The following NRG2 variants were observed in gnomAD, a reference collection of about 807,000 sequenced individuals.
NRG2 encodes pro-neuregulin-2, membrane-bound isoform.
NRG2 carries 27 observed loss-of-function variants against 73.9 expected under a neutral mutation model. The observed-to-expected ratio is 0.37, with a 90% CI of 0.27 to 0.50. The LOEUF (loss-of-function observed/expected upper bound fraction) is 0.50. Among genes scored for constraint, NRG2 ranks in the 20% least tolerant of loss-of-function variants. NRG2 has a pLI of 0.96. For synonymous variants in NRG2, 532 were observed against 541.0 expected, an observed-to-expected ratio of 0.98 and a Z score of 0.23; for missense variants, 1,126 against 1,210.1, an observed-to-expected ratio of 0.93 and a Z score of 1.03.
At position 139,856,600 on chromosome 5, in the gene NRG2, C is replaced by A. The variant is rs1300694690; in HGVS notation, c.1190-822G>T. ...TGCTGGCTGGCCCCTCCTCCCAGCT[C>A]AGGGTAAAGTGGAGGCTGGACCTCA... On this transcript the variant is annotated intron_variant, in intron 5 of 9. Transcript: ENST00000361474. The surrounding 1 kb of genome is among the most constrained non-coding windows in gnomAD (Gnocchi z 4.2). Among the ~76,000 whole-genome samples the A allele has an allele frequency of 6.6e-6, 1 of 152,202 alleles. No homozygotes were observed. Among genetic ancestry groups the A allele is most frequent in the Non-Finnish European group, 1.5e-5 (1 of 68,026 alleles).
chr5:139,874,836 C>T (rs1198594543), intron 3 of NRG2, among the ~76,000 whole-genome samples: 1 of 152,170 alleles, frequency 6.6e-6, no homozygotes, highest in Non-Finnish European at 1.5e-5. Flanking sequence ...TAGTTCTGCT[C>T]CTTTAATAAG....
chr5:139,980,245 G>A (rs965646525), intron 1 of NRG2, among the ~76,000 whole-genome samples: 1 of 151,938 alleles, frequency 6.6e-6, no homozygotes. Flanking sequence ...GCTCTCTCCT[G>A]ACTCTTGAAA....
intron 1 of NRG2, among the ~76,000 whole-genome samples, chr5:139,914,857 AAAG>A (rs1751131995): frequency 1.3e-5 from 2 of 152,326 alleles, no homozygotes; most frequent in South Asian, 4.1e-4. Context: ...CTCCAGGTCT[AAAG>A]AAGTGGACAC....
chr5:139,946,983 A>G (rs753946990), intron 1 of NRG2, among the ~76,000 whole-genome samples: 1 of 152,010 alleles, frequency 6.6e-6, no homozygotes, highest in Admixed American at 6.6e-5. Context: ...ACCACCTCAC[A>G]CCTATTAGGA....
intron 1 of NRG2, among the ~76,000 whole-genome samples, chr5:140,020,295 T>C (rs573840085): frequency 1.3e-5 from 2 of 152,358 alleles, no homozygotes; most frequent in African/African-American, 4.8e-5. Flanking sequence ...CACACTTCTT[T>C]GGTTAATTCA....
At position 139,890,189 on chromosome 5, in the gene NRG2, C is replaced by T. The variant is rs571752994; in HGVS notation, c.701-2678G>A. On this transcript the variant is annotated intron_variant, in intron 1 of 9. Coordinates refer to ENST00000361474, the MANE Select transcript of NRG2 (RefSeq NM_004883.3). ...TGCCAATTAGCTAGGCAAAAGATAA[C>T]GTCTCTTTGTCATTTTAATTTGCAT... is the stretch of plus-strand genomic sequence containing the variant. 9.9e-5 allele frequency among the ~76,000 whole-genome samples: 15 copies of T among 152,132 alleles called. 3 individuals carry two copies. Among genetic ancestry groups the T allele is most frequent in the African/African-American group, 2.7e-4 (11 of 41,432 alleles).
rs145373449 is a variant in NRG2 at position 139,988,596 on chromosome 5, T to C, written c.700+53774A>G. ...TCACATTCTGGAAAAGGCAAAACTA[T>C]GGAGAGAGTAAAAGGATCAGTAGTT... On this transcript the variant is annotated intron_variant, in intron 1 of 9. Transcript: ENST00000361474. Among the ~76,000 whole-genome samples the C allele has an allele frequency of 2.6e-3, 396 of 151,980 alleles. 3 individuals are homozygous for C. Among genetic ancestry groups the C allele is most frequent in the African/African-American group, 9.4e-3 (388 of 41,496 alleles).
intron 1 of NRG2, among the ~76,000 whole-genome samples, chr5:140,001,427 T>TA (rs1212638014): frequency 6.6e-6 from 1 of 152,208 alleles, no homozygotes; most frequent in Non-Finnish European, 1.5e-5. Context: ...ATTTATTTTT[T>TA]ATCCTCCAAA....
intron 2 of NRG2, among the ~76,000 whole-genome samples, chr5:139,884,340 A>C (rs1401688272): frequency 6.6e-6 from 1 of 152,128 alleles, no homozygotes; most frequent in Non-Finnish European, 1.5e-5. Context: ...TGAGGGGAGG[A>C]GGGCTGCCAG....
rs1561774989 is a variant in NRG2 at position 140,042,648 on chromosome 5, G to T, written c.422C>A (p.Ala141Asp). 3.1e-6 allele frequency: 5 copies of T among 1,598,306 alleles called. No individual in the cohort carries two copies. Among genetic ancestry groups the T allele is most frequent in the Non-Finnish European group, 4.3e-6 (5 of 1,173,636 alleles). The change falls in exon 1 of 10, where the codon GCC (alanine) becomes GAC (aspartate). Residue 141 changes from alanine (A) to aspartate (D), a missense_variant. Transcript: ENST00000361474. ...VEGKVQGLVP[A>D]GGSSSNSTRE... ...GGTGCTGTTGGAGCTGGAGCCGCCGGCTGGGACCAGCCCCTGTACCTTGCC... is the reference window on the plus strand; with the variant it reads ...GGTGCTGTTGGAGCTGGAGCCGCCGTCTGGGACCAGCCCCTGTACCTTGCC...
chr5:139,854,218 A>C (rs1026929977), intron 6 of NRG2, among the ~76,000 whole-genome samples: 1 of 152,212 alleles, frequency 6.6e-6, no homozygotes, highest in African/African-American at 2.4e-5. Context: ...CACTATGCCC[A>C]GCCCTCTCTG....
chr5:139,995,295 C>A (rs1757941327), intron 1 of NRG2, among the ~76,000 whole-genome samples: 1 of 152,178 alleles, frequency 6.6e-6, no homozygotes, highest in Admixed American at 6.5e-5. Context: ...TGTCTCATAA[C>A]CTTTTCCCAG....
Position 139,869,251 on chromosome 5 carries a change from G to C in NRG2, c.1112+2470C>G, listed in dbSNP as rs989472122. 1.3e-5 allele frequency: 2 copies of C among 152,064 alleles called. No homozygotes were observed. The highest frequency in any genetic ancestry group is 4.8e-5 in the African/African-American group (2 of 41,384). The allele number at this position is 152,064 out of a possible 1,614,324, so 9.4% of individuals were successfully genotyped here. On this transcript the variant is annotated intron_variant, in intron 4 of 9. Coordinates refer to ENST00000361474, the MANE Select transcript of NRG2 (RefSeq NM_004883.3). The surrounding 1 kb of genome is among the most constrained non-coding windows in gnomAD (Gnocchi z 4.5). ...GCTCTGAACCAATACACAACAACAAGTGTAAGAAAACCAGGAAGGAAAACT... is the reference window on the plus strand; with the variant it reads ...GCTCTGAACCAATACACAACAACAACTGTAAGAAAACCAGGAAGGAAAACT...
Position 139,865,023 on chromosome 5 carries a change from T to G in NRG2, c.1189+526A>C. ...AGGAGCGCAGGACACCCTCTACATC[T>G]CCCCCTAGTCTTGCTAAGCAAGGCC... On this transcript the variant is annotated intron_variant, in intron 5 of 9. Transcript: ENST00000361474. This position sits in a 1 kb window ranked among gnomAD's most constrained non-coding sequence, Gnocchi z 5.2. 1 of 1,076,772 alleles carries G rather than the reference T, an allele frequency of 9.3e-7. No homozygotes were observed. The highest frequency in any genetic ancestry group is 1.4e-6 in the Non-Finnish European group (1 of 691,490). The allele number at this position is 1,076,772 out of a possible 1,614,324, so 66.7% of individuals were successfully genotyped here.
Position 140,042,517 on chromosome 5 carries a change from A to T in NRG2, c.553T>A (p.Cys185Ser), listed in dbSNP as rs757808209. The T allele has an allele frequency of 1.9e-6, 3 of 1,613,396 alleles. No homozygotes were observed. ...QREQVISVGS[C>S]VPLERNQRYI... ...CGCTGGTTCCTTTCGAGCGGCACAC[A>T]GGAGCCCACGCTGATCACCTGCTCG... is the stretch of plus-strand genomic sequence containing the variant. Residue 185 changes from cysteine (C) to serine (S), a missense_variant, in exon 1 of 10, where the codon TGT becomes AGT. By Grantham distance (112) the Cys-to-Ser change is moderately radical (BLOSUM62 -1). This residue lies in a region of NRG2 where 539 missense variants were observed against 703.2 expected (regional missense o/e 0.77). Transcript: ENST00000361474.
chr5:139,923,529 C>T (rs1052903204), intron 1 of NRG2, among the ~76,000 whole-genome samples: 1 of 152,186 alleles, frequency 6.6e-6, no homozygotes, highest in African/African-American at 2.4e-5. Context: ...GACATTTCCT[C>T]TCTCACTCTG....
chr5:139,890,447 C>A (rs1365610092), intron 1 of NRG2, among the ~76,000 whole-genome samples: 1 of 144,024 alleles, frequency 6.9e-6, no homozygotes. Flanking sequence ...TCGTCTTTTT[C>A]TTTTCTTTTC....
chr5:139,888,103 A>G (rs1186135484), intron 1 of NRG2, among the ~76,000 whole-genome samples: 2 of 149,966 alleles, frequency 1.3e-5, no homozygotes, highest in Non-Finnish European at 3.0e-5. Context: ...CCACCAAAAT[A>G]CAAAACAAAA....
At chr5:140,017,317 A>G (rs1009935452) in intron 1 of NRG2, among the ~76,000 whole-genome samples, 4 of 152,158 alleles carry the variant, frequency 2.6e-5, no homozygotes, top group African/African-American at 9.7e-5. Flanking sequence ...CCAGTTTGTG[A>G]TATCTATGAG....
Sources: allele counts gnomAD v4.1 joint callset (sites outside exome capture counted in the v4.1 genomes callset), GRCh38; gene constraint gnomAD v4.1.1; regional missense constraint gnomAD v4.1.1; non-coding constraint Gnocchi (gnomAD v3.1); transcripts MANE v1.5; gene names NCBI Gene and HGNC (gene_info 2026-07-23, HGNC 2026-07-21).